Variants in TIMP3 observed in about 807,000 individuals in gnomAD.
TIMP3 encodes the protein TIMP metallopeptidase inhibitor 3.
Under a neutral mutation model 30.0 loss-of-function variants are expected in TIMP3, and 11 were observed. The observed-to-expected ratio is 0.37, with a 90% CI of 0.23 to 0.61. The LOEUF (loss-of-function observed/expected upper bound fraction) is 0.61, where lower values mean the gene tolerates loss of function less well. Among genes scored for constraint, TIMP3 ranks in the 20% least tolerant of loss-of-function variants. TIMP3 has a pLI of 0.70. For missense variants in TIMP3, 181 were observed against 276.8 expected (o/e 0.65, Z 2.45); for synonymous variants, 112 against 111.3 (o/e 1.01, Z -0.04).
chr22:32,849,681 T>C, intron 2 of TIMP3, 147 bp downstream of exon 2: 1 of 765,900 alleles, frequency 1.3e-6, no homozygotes, highest in Admixed American at 2.0e-5. Context: ...GAGAGGGAGC[T>C]GCTAAGGCTG....
At chr22:32,849,564 A>G (rs1236792400) in intron 2 of TIMP3, 30 bp downstream of exon 2, 1 of 1,603,096 alleles carries the variant, frequency 6.2e-7, no homozygotes, top group Non-Finnish European at 8.5e-7. Context: ...TGGCTCCGGG[A>G]AGGTTTTTGG....
chr22:32,814,313 G>GAA (rs774703088), intron 1 of TIMP3, among the ~76,000 whole-genome samples: 1 of 39,674 alleles, frequency 2.5e-5, no homozygotes, highest in Non-Finnish European at 4.6e-5. Context: ...GAGAGAGAGA[G>GAA]AGACAGAAAG....
At chr22:32,806,364 C>T (rs983766527) in intron 1 of TIMP3, among the ~76,000 whole-genome samples, 7 of 152,176 alleles carry the variant, frequency 4.6e-5, no homozygotes, top group Non-Finnish European at 8.8e-5. Context: ...TTCAGCTCCA[C>T]TGCTGAATGG....
intron 1 of TIMP3, among the ~76,000 whole-genome samples, chr22:32,839,689 C>G (rs545932750): frequency 6.6e-6 from 1 of 152,242 alleles, no homozygotes; most frequent in South Asian, 2.1e-4. Flanking sequence ...CATCCCAAGT[C>G]CAGGCATATA....
At chr22:32,816,118 C>A (rs2047082312) in intron 1 of TIMP3, among the ~76,000 whole-genome samples, 2 of 152,068 alleles carry the variant, frequency 1.3e-5, no homozygotes, top group Admixed American at 6.5e-5. Context: ...CCAAGTTAAG[C>A]AGGGTGGGAA....
chr22:32,853,705 G>T (rs1339702080), intron 2 of TIMP3, among the ~76,000 whole-genome samples: 1 of 152,174 alleles, frequency 6.6e-6, no homozygotes, highest in East Asian at 1.9e-4. Flanking sequence ...GGAGAAAGGG[G>T]ACCAAACTCA....
intron 3 of TIMP3, 142 bp from the exon 4 acceptor site, chr22:32,857,875 G>C (rs2146288588): frequency 7.9e-7 from 1 of 1,261,908 alleles, no homozygotes; most frequent in Middle Eastern, 1.9e-4. Flanking sequence ...AAAGGTGTTG[G>C]GTAGGGTGAA....
At chr22:32,856,095 T>C (rs1328044366) in intron 2 of TIMP3, among the ~76,000 whole-genome samples, 1 of 152,208 alleles carries the variant, frequency 6.6e-6, no homozygotes, top group Non-Finnish European at 1.5e-5. Context: ...CTCCCAGGGC[T>C]CTTTTAAGGA....
intron 1 of TIMP3, among the ~76,000 whole-genome samples, chr22:32,823,230 G>A (rs139052766): frequency 2.8e-3 from 433 of 152,258 alleles, no homozygotes; most frequent in African/African-American, 9.6e-3. Flanking sequence ...TCTGGCTCCT[G>A]GTGGGACTTG....
At chr22:32,825,963 G>A (rs901130329) in intron 1 of TIMP3, among the ~76,000 whole-genome samples, 1 of 152,176 alleles carries the variant, frequency 6.6e-6, no homozygotes, top group South Asian at 2.1e-4. Flanking sequence ...GTATCCACAA[G>A]TTTATAGTAG....
chr22:32,857,018 C>T (rs2048388459), intron 2 of TIMP3, among the ~76,000 whole-genome samples: 1 of 152,172 alleles, frequency 6.6e-6, no homozygotes, highest in South Asian at 2.1e-4. Context: ...GAATCATATT[C>T]CATTGGGTAT....
Position 32,860,040 on chromosome 22 carries a change from G to A in TIMP3, c.*663G>A, listed in dbSNP as rs1162360389. On this transcript the variant is annotated 3_prime_UTR_variant, in exon 5 of 5. Transcript: ENST00000266085. ...AATTCCCCAGCCCAGTGATGCTTGT[G>A]TTGACCAGATGTTCCTGAGTCTGGA... The A allele has an allele frequency of 2.6e-5, 4 of 152,558 alleles. No individual in the cohort carries two copies. The highest frequency in any genetic ancestry group is 9.6e-5 in the African/African-American group (4 of 41,458). The allele number at this position is 152,558 out of a possible 1,614,324, so 9.5% of individuals were successfully genotyped here.
At position 32,862,190 on chromosome 22, in the gene TIMP3, C is replaced by G. The variant is rs2048562262; in HGVS notation, c.*2813C>G. 3 of 152,244 alleles carry G rather than the reference C, an allele frequency of 2.0e-5. No homozygotes were observed. The highest frequency in any genetic ancestry group is 7.2e-5 in the African/African-American group (3 of 41,458). The allele number at this position is 152,244 out of a possible 1,614,324, so 9.4% of individuals were successfully genotyped here. A position where few individuals can be genotyped will look rare whatever the true frequency, so the allele number is the denominator to read the frequency against. On this transcript the variant is annotated 3_prime_UTR_variant, in exon 5 of 5. Transcript: ENST00000266085. ...TTCACCCCAAGTCCTGCTGCCCATC[C>G]AGTTGGGAAGCCATGATTTTCCTAA...
intron 1 of TIMP3, among the ~76,000 whole-genome samples, chr22:32,814,139 TGTGAGAGAGAGAGA>T (rs1200986442): frequency 1.1e-5 from 1 of 90,518 alleles, no homozygotes; most frequent in Non-Finnish European, 2.2e-5. Flanking sequence ...TGTGTGTGTG[TGTGAGAGAGAGAGA>T]GAGAGAGAGA....
intron 1 of TIMP3, among the ~76,000 whole-genome samples, chr22:32,828,272 G>T (rs1170704748): frequency 6.6e-6 from 1 of 152,172 alleles, no homozygotes; most frequent in Non-Finnish European, 1.5e-5. Flanking sequence ...CCTTCAAGTG[G>T]GGGAAACTCA....
Position 32,854,931 on chromosome 22 carries a change from C to T in TIMP3, c.205-2318C>T, listed in dbSNP as rs1431253238. Among the ~76,000 whole-genome samples the T allele has an allele frequency of 2.0e-5, 3 of 152,144 alleles. No individual in the cohort carries two copies. The East Asian group carries it at 5.8e-4, about 29-fold the overall frequency. ...TATGAAGGTCTTGTGGACCACCTAC[C>T]CCCGCCAACCAGTCACCACTTAAAA... On this transcript the variant is annotated intron_variant, in intron 2 of 4. Coordinates refer to ENST00000266085, the MANE Select transcript of TIMP3 (RefSeq NM_000362.5).
intron 1 of TIMP3, among the ~76,000 whole-genome samples, chr22:32,822,938 A>C (rs1246601274): frequency 3.4e-5 from 4 of 116,234 alleles, no homozygotes; most frequent in African/African-American, 1.5e-4. Flanking sequence ...ACAAAAAAAA[A>C]ACAGAGAGAG....
chr22:32,814,350 A>G (rs1445928231), intron 1 of TIMP3, among the ~76,000 whole-genome samples: 6 of 131,544 alleles, frequency 4.6e-5, no homozygotes, highest in South Asian at 2.5e-4. Context: ...AGAAAGAAAG[A>G]GAGAAAGAAA....
At chr22:32,811,186 AG>A (rs1349893009) in intron 1 of TIMP3, among the ~76,000 whole-genome samples, 1 of 152,126 alleles carries the variant, frequency 6.6e-6, no homozygotes, top group Non-Finnish European at 1.5e-5. Context: ...GCAGCAGGGA[AG>A]GCATGTCTGG....
Sources: gnomAD v4.1 joint callset for allele counts (sites outside exome capture counted in the v4.1 genomes callset) on GRCh38, gnomAD v4.1.1 for gene constraint, MANE v1.5 for transcripts, NCBI Gene and HGNC (gene_info 2026-07-23, HGNC 2026-07-21) for gene names.